AUTS2: variants seen among roughly 807,000 people sequenced by gnomAD.
AUTS2 encodes the protein autism susceptibility gene 2 protein.
Under a neutral mutation model 112.4 loss-of-function variants are expected in AUTS2, and 17 were observed. That is an observed-to-expected ratio of 0.15 (90% CI 0.10 to 0.23). AUTS2 has a LOEUF of 0.23. Ranked by LOEUF, AUTS2 falls within the 10% of genes least tolerant of loss-of-function variation. The pLI is 1.00. For synonymous variants in AUTS2, 751 were observed against 702.7 expected (o/e 1.07, Z -1.09); for missense variants, 1,510 against 1,701.6 (o/e 0.89, Z 1.98).
chr7:69,836,046 T>C (rs1791708160), intron 1 of AUTS2, among the ~76,000 whole-genome samples: 2 of 152,212 alleles, frequency 1.3e-5, no homozygotes, highest in African/African-American at 4.8e-5. Flanking sequence ...GTTTCTTCAG[T>C]TGACCATTGG....
At chr7:70,258,609 A>G (rs905638628) in intron 4 of AUTS2, among the ~76,000 whole-genome samples, 1 of 152,156 alleles carries the variant, frequency 6.6e-6, no homozygotes, top group Non-Finnish European at 1.5e-5. Flanking sequence ...ACATTTATCT[A>G]AGGACTATCT....
chr7:70,789,947 G>A lies in AUTS2; in HGVS notation c.2731G>A (p.Ala911Thr), dbSNP rs776699634. 6.2e-7 allele frequency: 1 copy of A among 1,613,856 alleles called. No homozygotes were observed. Among genetic ancestry groups the A allele is most frequent in the Non-Finnish European group, 8.5e-7 (1 of 1,179,966 alleles). Residue 911 changes from alanine to threonine, a missense_variant, in exon 19 of 19, where the codon GCG becomes ACG. This residue lies in a region of AUTS2 where 788 missense variants were observed against 797.6 expected (regional missense o/e 0.99). Coordinates refer to ENST00000342771, the MANE Select transcript of AUTS2 (RefSeq NM_015570.4). Reference protein sequence around the residue: ...RKDLAADEHKAKEGHLPEKDG... With the variant: ...RKDLAADEHKTKEGHLPEKDG... Reference sequence around the variant, plus strand: ...GGACCTGGCCGCCGACGAGCACAAGGCGAAAGAGGGCCACCTGCCCGAGAA... The same window carrying A: ...GGACCTGGCCGCCGACGAGCACAAGACGAAAGAGGGCCACCTGCCCGAGAA...
intron 5 of AUTS2, among the ~76,000 whole-genome samples, chr7:70,678,127 A>G (rs76499670): frequency 0.032 from 4,816 of 152,168 alleles, 113 homozygotes; most frequent in Non-Finnish European, 0.049. Flanking sequence ...AGTAGGTTCT[A>G]CCTTCCCCAC....
At chr7:69,767,358 G>T (rs1462856456) in intron 1 of AUTS2, among the ~76,000 whole-genome samples, 2 of 151,956 alleles carry the variant, frequency 1.3e-5, no homozygotes, top group African/African-American at 4.8e-5. Flanking sequence ...TCTATTTTTT[G>T]TAGGGACAAG....
chr7:70,717,353 T>A lies in AUTS2; in HGVS notation c.742+18733T>A, dbSNP rs150055378. Among the ~76,000 whole-genome samples the A allele has an allele frequency of 1.9e-3, 293 of 152,230 alleles. 1 individual carries two copies. The highest frequency in any genetic ancestry group is 6.5e-3 in the African/African-American group (271 of 41,534). The stretch of plus-strand genomic sequence containing the variant: ...GTACCACCATACCCGGCTAACTTTT[T>A]AAATATTTTTGTAGAGATGGGGTCT... On this transcript the variant is annotated intron_variant, in intron 6 of 18. Coordinates refer to ENST00000342771, the MANE Select transcript of AUTS2 (RefSeq NM_015570.4).
At chr7:69,815,050 A>G (rs932935461) in intron 1 of AUTS2, among the ~76,000 whole-genome samples, 1 of 152,238 alleles carries the variant, frequency 6.6e-6, no homozygotes, top group African/African-American at 2.4e-5. Context: ...TGGCTTTGCC[A>G]TGAAGACATT....
At chr7:70,781,554 A>G (rs1229020572) in intron 14 of AUTS2, 61 bp from the exon 15 acceptor site, 56 of 1,582,922 alleles carry the variant, frequency 3.5e-5, no homozygotes, top group Non-Finnish European at 4.5e-5. Flanking sequence ...CCAGCTCTTC[A>G]CTAACACCTT....
In AUTS2 at chr7:70,729,455, A is replaced by T. The variant is rs73706458; in HGVS notation, c.742+30835A>T. ...GAACGTGTCCCTACCTGGAATCCCC[A>T]GGGGGGCTTCCATGTTCCATTAGAG... On this transcript the variant is annotated intron_variant, in intron 6 of 18. Transcript: ENST00000342771. Among the ~76,000 whole-genome samples the T allele has an allele frequency of 1.1e-3, 174 of 152,250 alleles. 1 individual carries two copies. Among genetic ancestry groups the T allele is most frequent in the African/African-American group, 4.1e-3 (171 of 41,544 alleles).
intron 1 of AUTS2, among the ~76,000 whole-genome samples, chr7:69,641,779 A>G (rs535565047): frequency 6.6e-6 from 1 of 152,236 alleles, no homozygotes; most frequent in African/African-American, 2.4e-5. Flanking sequence ...TAGTTTTTAC[A>G]GAACCCTTTT....
At chr7:69,691,469 G>A (rs1460001245) in intron 1 of AUTS2, among the ~76,000 whole-genome samples, 2 of 152,150 alleles carry the variant, frequency 1.3e-5, no homozygotes, top group African/African-American at 4.8e-5. Flanking sequence ...CCAAAGTCCA[G>A]AGGGGGCCGA....
intron 6 of AUTS2, among the ~76,000 whole-genome samples, chr7:70,707,794 C>G (rs1809818986): frequency 6.6e-6 from 1 of 152,102 alleles, no homozygotes; most frequent in African/African-American, 2.4e-5. Flanking sequence ...CATTCTTGTG[C>G]CTTTGCGTGA....
intron 2 of AUTS2, among the ~76,000 whole-genome samples, chr7:69,929,482 C>G (rs1445443448): frequency 1.3e-5 from 2 of 151,824 alleles, no homozygotes; most frequent in Non-Finnish European, 2.9e-5. Flanking sequence ...TTCAGGGACT[C>G]CAATTAACCA....
chr7:70,716,369 C>G (rs766281198), intron 6 of AUTS2, among the ~76,000 whole-genome samples: 1 of 152,162 alleles, frequency 6.6e-6, no homozygotes, highest in Non-Finnish European at 1.5e-5. Context: ...CACAGTGGCT[C>G]ATGCCTGTAA....
At chr7:70,192,128 G>GTGTAT (rs772829898) in intron 4 of AUTS2, among the ~76,000 whole-genome samples, 10 of 152,210 alleles carry the variant, frequency 6.6e-5, no homozygotes, top group Non-Finnish European at 1.0e-4. Context: ...AATGGGACCA[G>GTGTAT]TAATACCTTC....
At chr7:70,007,224 A>G (rs1799584004) in intron 2 of AUTS2, among the ~76,000 whole-genome samples, 1 of 152,208 alleles carries the variant, frequency 6.6e-6, no homozygotes, top group Non-Finnish European at 1.5e-5. Flanking sequence ...CAAACTAAAA[A>G]TGATAACCTC....
intron 6 of AUTS2, among the ~76,000 whole-genome samples, chr7:70,718,980 A>G (rs1289132443): frequency 7.0e-6 from 1 of 142,122 alleles, no homozygotes; most frequent in Non-Finnish European, 1.6e-5. Context: ...TGATCATCCA[A>G]GGTTTTTCAG....
intron 1 of AUTS2, among the ~76,000 whole-genome samples, chr7:69,779,587 C>A (rs1410446063): frequency 6.6e-6 from 1 of 151,704 alleles, no homozygotes; most frequent in East Asian, 2.0e-4. Context: ...TGTGGTGAAA[C>A]CTTGTCTCAA....
chr7:70,064,547 C>G (rs1349278427), intron 2 of AUTS2, among the ~76,000 whole-genome samples: 2 of 152,148 alleles, frequency 1.3e-5, no homozygotes, highest in African/African-American at 4.8e-5. Context: ...TTCCTGAGGG[C>G]CAAGGTCTAG....
At chr7:70,493,771 C>G (rs1261142192) in intron 5 of AUTS2, among the ~76,000 whole-genome samples, 2 of 151,966 alleles carry the variant, frequency 1.3e-5, no homozygotes, top group Non-Finnish European at 2.9e-5. Flanking sequence ...CAGTAAGTAA[C>G]CTTTCTTGGA....
Sources: gnomAD v4.1 joint callset for allele counts (sites outside exome capture counted in the v4.1 genomes callset) on GRCh38, gnomAD v4.1.1 for gene constraint, gnomAD v4.1.1 regional missense constraint, MANE v1.5 for transcripts, NCBI Gene and HGNC (gene_info 2026-07-23, HGNC 2026-07-21) for gene names.